The following FGF14 variants were observed in gnomAD, a reference collection of about 807,000 sequenced individuals.
The protein encoded by FGF14 is fibroblast growth factor 14.
Under a neutral mutation model 25.5 loss-of-function variants are expected in FGF14, and 5 were observed. That is an observed-to-expected ratio of 0.20 (90% confidence interval 0.10 to 0.41). FGF14 has a LOEUF of 0.41. Ranked by LOEUF, FGF14 falls within the 10% of genes least tolerant of loss-of-function variation. FGF14 has a pLI of 1.00. For synonymous variants in FGF14, 138 were observed against 118.3 expected, an observed-to-expected ratio of 1.17 and a Z score of -1.08; for missense variants, 222 against 320.1, an observed-to-expected ratio of 0.69 and a Z score of 2.34.
intron 1 of FGF14, among the ~76,000 whole-genome samples, chr13:101,928,536 T>G (rs1183299336): frequency 6.6e-6 from 1 of 152,130 alleles, no homozygotes; most frequent in African/African-American, 2.4e-5. Flanking sequence ...ACTGTTATCT[T>G]ATTTTCCCTA....
At chr13:101,950,678 C>A (rs1273719867) in intron 1 of FGF14, among the ~76,000 whole-genome samples, 4 of 151,732 alleles carry the variant, frequency 2.6e-5, no homozygotes, top group Non-Finnish European at 5.9e-5. Flanking sequence ...CAGGCCTTTG[C>A]TCTCAGCAGG....
At chr13:102,132,650 G>C (rs2046251795) in intron 1 of FGF14, among the ~76,000 whole-genome samples, 1 of 151,852 alleles carries the variant, frequency 6.6e-6, no homozygotes, top group African/African-American at 2.4e-5. Context: ...TCAAGTAGCT[G>C]GGACTATAGG....
chr13:102,306,754 T>C (rs1270014678), intron 1 of FGF14, among the ~76,000 whole-genome samples: 1 of 152,148 alleles, frequency 6.6e-6, no homozygotes, highest in Non-Finnish European at 1.5e-5. Flanking sequence ...TTTTGAACAA[T>C]GAAATTTGCA....
intron 1 of FGF14, among the ~76,000 whole-genome samples, chr13:102,239,086 A>AG (rs397773400): frequency 6.6e-6 from 1 of 151,166 alleles, no homozygotes; most frequent in Non-Finnish European, 1.5e-5. Context: ...TTAAAAAAAA[A>AG]CAAAAAACAA....
chr13:102,324,686 AG>A (rs1288802450), intron 1 of FGF14, among the ~76,000 whole-genome samples: 1 of 152,174 alleles, frequency 6.6e-6, no homozygotes, highest in Non-Finnish European at 1.5e-5. Flanking sequence ...CCACAACAAT[AG>A]GGTAACTGTT....
At chr13:102,052,644 G>GA (rs111895910) in intron 1 of FGF14, among the ~76,000 whole-genome samples, 2,186 of 147,454 alleles carry the variant, frequency 0.015, 20 homozygotes, top group African/African-American at 0.021. Flanking sequence ...AAGTGGTGAA[G>GA]AAAAAAAAAA....
At chr13:101,852,680 A>G (rs1479889263) in intron 3 of FGF14, among the ~76,000 whole-genome samples, 1 of 152,058 alleles carries the variant, frequency 6.6e-6, no homozygotes, top group Non-Finnish European at 1.5e-5. Context: ...CTAATGACAC[A>G]TAAGAAGAAT....
At chr13:102,113,695 A>C (rs1007512055) in intron 1 of FGF14, among the ~76,000 whole-genome samples, 1 of 152,186 alleles carries the variant, frequency 6.6e-6, no homozygotes, top group African/African-American at 2.4e-5. Context: ...GCTACATTTG[A>C]GAACCACTGG....
At chr13:101,768,911 T>A (rs1366277141) in intron 3 of FGF14, among the ~76,000 whole-genome samples, 2 of 152,144 alleles carry the variant, frequency 1.3e-5, no homozygotes, top group Non-Finnish European at 1.5e-5. Context: ...GGTTGTGCTA[T>A]GACTTTCATA....
At chr13:101,816,199 G>A (rs374463634) in intron 3 of FGF14, among the ~76,000 whole-genome samples, 1 of 149,570 alleles carries the variant, frequency 6.7e-6, no homozygotes, top group Non-Finnish European at 1.5e-5. Context: ...GAACCTGGGA[G>A]GCGGAGCTTG....
intron 1 of FGF14, among the ~76,000 whole-genome samples, chr13:102,140,451 A>C (rs1256853460): frequency 1.3e-5 from 2 of 152,128 alleles, no homozygotes; most frequent in South Asian, 4.1e-4. Flanking sequence ...CCCAACTTTT[A>C]CTTCAAAAAG....
chr13:102,024,819 C>T (rs1447328940), intron 1 of FGF14, among the ~76,000 whole-genome samples: 1 of 151,636 alleles, frequency 6.6e-6, no homozygotes, highest in East Asian at 1.9e-4. Flanking sequence ...TTCAGTTATT[C>T]CAGCACCATT....
At chr13:101,869,902 G>C (rs1320901861) in intron 2 of FGF14, among the ~76,000 whole-genome samples, 1 of 152,090 alleles carries the variant, frequency 6.6e-6, no homozygotes, top group Non-Finnish European at 1.5e-5. Context: ...TTAATTCTCA[G>C]GGACATGTTT....
intron 1 of FGF14, among the ~76,000 whole-genome samples, chr13:102,021,979 A>G (rs73565705): frequency 0.032 from 4,824 of 152,164 alleles, 247 homozygotes; most frequent in African/African-American, 0.11. Flanking sequence ...CCAGTTCTCA[A>G]GATCAGTGAT....
chr13:101,866,209 C>A (rs1407704281), intron 3 of FGF14, among the ~76,000 whole-genome samples: 3 of 152,060 alleles, frequency 2.0e-5, no homozygotes, highest in African/African-American at 7.2e-5. Flanking sequence ...AATAATTGCA[C>A]TGAAATACAG....
chr13:102,118,929 T>C (rs2045594750), intron 1 of FGF14, among the ~76,000 whole-genome samples: 1 of 152,206 alleles, frequency 6.6e-6, no homozygotes, highest in African/African-American at 2.4e-5. Flanking sequence ...ACCTTTACGT[T>C]GCTGGAGTAA....
intron 1 of FGF14, among the ~76,000 whole-genome samples, chr13:102,284,968 C>T (rs957572704): frequency 6.6e-6 from 1 of 151,834 alleles, no homozygotes; most frequent in Non-Finnish European, 1.5e-5. Context: ...TTTCTCACCA[C>T]TTTGAGCTGT....
chr13:102,254,101 G>T (rs557354040), intron 1 of FGF14, among the ~76,000 whole-genome samples: 71 of 152,326 alleles, frequency 4.7e-4, no homozygotes, highest in Middle Eastern at 6.8e-3. Flanking sequence ...AGACTGGTTG[G>T]TGATGGTGAA....
intron 3 of FGF14, among the ~76,000 whole-genome samples, chr13:101,774,778 C>A (rs2038990473): frequency 1.3e-5 from 2 of 151,910 alleles, no homozygotes; most frequent in Admixed American, 6.6e-5. Context: ...AAGGGCCAGG[C>A]ACGGTGGCTC....
Sources: gnomAD v4.1 joint callset for allele counts (sites outside exome capture counted in the v4.1 genomes callset) on GRCh38, gnomAD v4.1.1 for gene constraint, MANE v1.5 for transcripts, NCBI Gene and HGNC (gene_info 2026-07-23, HGNC 2026-07-21) for gene names.